The following SLC4A10 variants were observed in gnomAD, a reference collection of about 807,000 sequenced individuals.
SLC4A10 encodes the protein sodium-driven chloride bicarbonate exchanger.
SLC4A10 carries 42 observed loss-of-function variants against 137.7 expected under a neutral mutation model. The ratio of observed to expected loss-of-function variants is 0.30; its 90% CI spans 0.24 to 0.39. The LOEUF (loss-of-function observed/expected upper bound fraction) is 0.39, where lower values mean the gene tolerates loss of function less well. SLC4A10 is among the 10% of genes least tolerant of loss of function. The pLI is 1.00. For missense variants in SLC4A10, 925 were observed against 1,355.0 expected, an observed-to-expected ratio of 0.68 and a Z score of 4.98; for synonymous variants, 474 against 464.1, an observed-to-expected ratio of 1.02 and a Z score of -0.27.
intron 1 of SLC4A10, among the ~76,000 whole-genome samples, chr2:161,727,335 C>T (rs2046336922): frequency 6.6e-6 from 1 of 152,188 alleles, no homozygotes; most frequent in Admixed American, 6.5e-5. Context: ...AAATACTTTA[C>T]AGTGTGCTCA....
chr2:161,922,291 G>A lies in SLC4A10; in HGVS notation c.1997+16404G>A, dbSNP rs530659578. On this transcript the variant is annotated intron_variant, in intron 15 of 26. Coordinates refer to ENST00000446997, the MANE Select transcript of SLC4A10 (RefSeq NM_001178015.2). Reference sequence around the variant, plus strand: ...TTGTGGTGGTGTTTTACAAAGCTACGATGCATATTTTTGAAAAGCTATTTT... The same window carrying A: ...TTGTGGTGGTGTTTTACAAAGCTACAATGCATATTTTTGAAAAGCTATTTT... Among the ~76,000 whole-genome samples the A allele has an allele frequency of 2.0e-3, 305 of 152,116 alleles. 1 individual carries two copies. The highest frequency in any genetic ancestry group is 6.7e-3 in the African/African-American group (279 of 41,534).
chr2:161,726,205 A>C (rs1453659558), intron 1 of SLC4A10, among the ~76,000 whole-genome samples: 1 of 152,230 alleles, frequency 6.6e-6, no homozygotes, highest in Non-Finnish European at 1.5e-5. Context: ...AATAACAATT[A>C]CAATGAATAA....
At chr2:161,883,062 A>T (rs2061934547) in intron 10 of SLC4A10, among the ~76,000 whole-genome samples, 1 of 152,144 alleles carries the variant, frequency 6.6e-6, no homozygotes, top group Admixed American at 6.6e-5. Context: ...AAAATATAAG[A>T]TCTTTAAAGT....
intron 1 of SLC4A10, among the ~76,000 whole-genome samples, chr2:161,637,202 A>AAG (rs1232132481): frequency 7.4e-4 from 109 of 147,288 alleles, no homozygotes; most frequent in Middle Eastern, 3.6e-3. Flanking sequence ...GAGAGAGAGA[A>AAG]AGAGAGAGAG....
chr2:161,889,977 G>C (rs2062746918), intron 10 of SLC4A10, among the ~76,000 whole-genome samples: 1 of 152,030 alleles, frequency 6.6e-6, no homozygotes, highest in Non-Finnish European at 1.5e-5. Flanking sequence ...CAGAGATTCT[G>C]GTATGTTGTG....
chr2:161,954,640 G>A (rs1695341057), intron 19 of SLC4A10, among the ~76,000 whole-genome samples: 1 of 152,194 alleles, frequency 6.6e-6, no homozygotes, highest in African/African-American at 2.4e-5. Context: ...GTTAGGGGAA[G>A]AGCAAGAACT....
chr2:161,896,747 G>A (rs1384685443), intron 11 of SLC4A10, among the ~76,000 whole-genome samples: 1 of 152,004 alleles, frequency 6.6e-6, no homozygotes, highest in Non-Finnish European at 1.5e-5. Flanking sequence ...AGGCAGAAGG[G>A]GCATGAAGTT....
intron 11 of SLC4A10, among the ~76,000 whole-genome samples, chr2:161,895,090 A>T (rs1310392054): frequency 8.6e-6 from 1 of 116,286 alleles, no homozygotes; most frequent in Non-Finnish European, 1.7e-5. Flanking sequence ...CAGTCCCCAG[A>T]GTGTGATGTT....
At chr2:161,896,352 C>G (rs914684989) in intron 11 of SLC4A10, among the ~76,000 whole-genome samples, 1 of 151,910 alleles carries the variant, frequency 6.6e-6, no homozygotes, top group Non-Finnish European at 1.5e-5. Flanking sequence ...TAGTGTGATG[C>G]CTCCAGCTTT....
chr2:161,625,602 T>C (rs2032172883), intron 1 of SLC4A10, among the ~76,000 whole-genome samples: 1 of 151,986 alleles, frequency 6.6e-6, no homozygotes, highest in South Asian at 2.1e-4. Flanking sequence ...GAGCTGTCCA[T>C]TTCCGAGTCC....
intron 1 of SLC4A10, among the ~76,000 whole-genome samples, chr2:161,699,098 C>G (rs531015816): frequency 6.6e-6 from 1 of 152,318 alleles, no homozygotes; most frequent in South Asian, 2.1e-4. Flanking sequence ...CAGCTCACTG[C>G]AAGCTACGCG....
chr2:161,739,818 C>T (rs2047703045), intron 1 of SLC4A10, among the ~76,000 whole-genome samples: 1 of 152,178 alleles, frequency 6.6e-6, no homozygotes, highest in Admixed American at 6.6e-5. Context: ...TTGCAGTACC[C>T]CCATTTCATG....
intron 3 of SLC4A10, among the ~76,000 whole-genome samples, chr2:161,813,554 A>G (rs1287287638): frequency 6.6e-6 from 1 of 152,072 alleles, no homozygotes; most frequent in Non-Finnish European, 1.5e-5. Flanking sequence ...CTTAGAGTGT[A>G]AAAAAATGAC....
At chr2:161,639,064 G>C (rs995571390) in intron 1 of SLC4A10, among the ~76,000 whole-genome samples, 1 of 151,908 alleles carries the variant, frequency 6.6e-6, no homozygotes, top group African/African-American at 2.4e-5. Context: ...CATACAACCT[G>C]CCAAGACTGA....
At chr2:161,667,716 A>G (rs2039223280) in intron 1 of SLC4A10, among the ~76,000 whole-genome samples, 1 of 151,712 alleles carries the variant, frequency 6.6e-6, no homozygotes, top group Non-Finnish European at 1.5e-5. Flanking sequence ...GCCACTCTCA[A>G]GTAATACTGC....
intron 4 of SLC4A10, among the ~76,000 whole-genome samples, chr2:161,844,552 A>G (rs368844390): frequency 3.3e-5 from 5 of 152,150 alleles, no homozygotes; most frequent in East Asian, 1.9e-4. Flanking sequence ...TTTGGATGAT[A>G]TAATAACTCC....
chr2:161,754,056 AT>A (rs2049310580), intron 1 of SLC4A10, among the ~76,000 whole-genome samples: 1 of 151,456 alleles, frequency 6.6e-6, no homozygotes, highest in Non-Finnish European at 1.5e-5. Flanking sequence ...CACTCAGCTA[AT>A]TTTTTTGTAT....
chr2:161,926,708 C>T (rs370441939), intron 15 of SLC4A10, among the ~76,000 whole-genome samples: 661 of 135,822 alleles, frequency 4.9e-3, no homozygotes, highest in Middle Eastern at 0.019. Flanking sequence ...AGTTGTTCCT[C>T]TCCATGTTTA....
chr2:161,789,093 A>G (rs891481617), intron 2 of SLC4A10, among the ~76,000 whole-genome samples: 2 of 152,186 alleles, frequency 1.3e-5, no homozygotes, highest in Non-Finnish European at 2.9e-5. Context: ...CTGGCCCACA[A>G]TGAGTGCACA....
Sources: allele counts gnomAD v4.1 joint callset (sites outside exome capture counted in the v4.1 genomes callset), GRCh38; gene constraint gnomAD v4.1.1; transcripts MANE v1.5; gene names NCBI Gene and HGNC (gene_info 2026-07-23, HGNC 2026-07-21).